TLR2: variants seen among roughly 807,000 people sequenced by gnomAD.
TLR2 encodes the protein toll like receptor 2, also known as toll-like receptor 2.
In TLR2, 7 loss-of-function variants were observed where a neutral mutation model predicts 9.1. The observed-to-expected ratio is 0.77, with a 90% CI of 0.44 to 1.44. The LOEUF is 1.44. Ranked by LOEUF, TLR2 falls within the 40% of genes most tolerant of loss-of-function variation. The pLI is 0.01. For synonymous variants in TLR2, 317 were observed against 344.6 expected, an observed-to-expected ratio of 0.92 and a Z score of 0.89; for missense variants, 812 against 904.6, an observed-to-expected ratio of 0.90 and a Z score of 1.31.
chr4:153,700,131 AC>A (rs1736783550), intron 2 of TLR2, among the ~76,000 whole-genome samples: 1 of 152,068 alleles, frequency 6.6e-6, no homozygotes, highest in African/African-American at 2.4e-5. Context: ...TTTTTAAATA[AC>A]CTGAAATCCT....
chr4:153,704,668 GACAGC>G lies in TLR2; in HGVS notation c.1764_1768del (p.Ala589GlyfsTer52), dbSNP rs2127069368. ...GCCTCTCGGTGTCGGAATGTCACAG[GACAGC>G]ACTGGTGTCTGGCATGTGCTGTGCT... On this transcript the variant is annotated frameshift_variant, in exon 3 of 3. Coordinates refer to ENST00000642700, the MANE Select transcript of TLR2 (RefSeq NM_001318789.2). LOFTEE classifies it high-confidence loss of function. The G allele has an allele frequency of 1.9e-6, 3 of 1,612,476 alleles. No individual in the cohort carries two copies. Among genetic ancestry groups the G allele is most frequent in the Non-Finnish European group, 2.5e-6 (3 of 1,179,610 alleles).
intron 2 of TLR2, among the ~76,000 whole-genome samples, chr4:153,690,777 G>A (rs1163601466): frequency 6.6e-6 from 1 of 152,198 alleles, no homozygotes; most frequent in Non-Finnish European, 1.5e-5. Flanking sequence ...GTTAAATTGT[G>A]AAAGTGTCTA....
intron 2 of TLR2, among the ~76,000 whole-genome samples, chr4:153,695,285 C>A (rs28872182): frequency 0.07 from 10,698 of 152,208 alleles, 1,186 homozygotes; most frequent in African/African-American, 0.23. Flanking sequence ...TTTACATTCC[C>A]AACCAACAAC....
chr4:153,698,807 C>G (rs1736684674), intron 2 of TLR2, among the ~76,000 whole-genome samples: 1 of 152,144 alleles, frequency 6.6e-6, no homozygotes, highest in Non-Finnish European at 1.5e-5. Context: ...GAACCAAATA[C>G]TAATATGCTT....
At chr4:153,702,150 C>T (rs955766635) in intron 2 of TLR2, 1 of 152,174 alleles carries the variant, frequency 6.6e-6, no homozygotes, top group East Asian at 1.9e-4. Context: ...AGTTGTGGTG[C>T]AGATAGTTTT....
rs763900316 is a variant in TLR2 at position 153,703,187 on chromosome 4, G to T, written c.280G>T (p.Asp94Tyr). The T allele has an allele frequency of 7.4e-6, 12 of 1,614,194 alleles. No homozygotes were observed. The highest frequency in any genetic ancestry group is 1.1e-5 in the South Asian group (1 of 91,082). The change falls in exon 3 of 3, where the codon GAT becomes TAT. Residue 94 changes from aspartate (D) to tyrosine (Y), a missense_variant. Transcript: ENST00000642700. ...CAATGGAATTAACACAATAGAGGAAGATTCTTTTTCTTCCCTGGGCAGTCT... is the reference window on the plus strand; with the variant it reads ...CAATGGAATTAACACAATAGAGGAATATTCTTTTTCTTCCCTGGGCAGTCT... The part of the protein sequence containing the change: ...TSNGINTIEE[D>Y]SFSSLGSLEH...
At chr4:153,688,647 A>G (rs1735884608) in intron 2 of TLR2, 6 of 154,544 alleles carry the variant, frequency 3.9e-5, no homozygotes, top group Admixed American at 3.2e-4. Flanking sequence ...TGCAGCAGGA[A>G]CACGTCCTTA....
chr4:153,704,710 G>A lies in TLR2; in HGVS notation c.1803G>A (p.Leu601=). The change falls in exon 3 of 3, where the codon CTG becomes CTA. Residue 601 remains leucine (L), a synonymous_variant. Transcript: ENST00000642700. ...VSGMCCALFL[L]ILLTGVLCHR... ...GCATGTGCTGTGCTCTGTTCCTGCT[G>A]ATCCTGCTCACGGGGGTCCTGTGCC... is the stretch of plus-strand genomic sequence containing the variant. The A allele has an allele frequency of 6.2e-7, 1 of 1,613,966 alleles. No homozygotes were observed. Among genetic ancestry groups the A allele is most frequent in the Non-Finnish European group, 8.5e-7 (1 of 1,179,996 alleles).
At chr4:153,690,978 C>T (rs1736070977) in intron 2 of TLR2, among the ~76,000 whole-genome samples, 1 of 152,332 alleles carries the variant, frequency 6.6e-6, no homozygotes, top group Non-Finnish European at 1.5e-5. Flanking sequence ...TGAGCATTTT[C>T]AATTAATTGT....
At chr4:153,709,898 T>C (rs1419682252), downstream of TLR2, among the ~76,000 whole-genome samples, 1 of 152,222 alleles carries the variant, frequency 6.6e-6, no homozygotes, top group Non-Finnish European at 1.5e-5. Context: ...AGCTCTGTGG[T>C]GCAGAAGCTG....
At chr4:153,690,437 A>G (rs1253067004) in intron 2 of TLR2, among the ~76,000 whole-genome samples, 1 of 152,228 alleles carries the variant, frequency 6.6e-6, no homozygotes, top group Admixed American at 6.5e-5. Flanking sequence ...AGCCTGGGGC[A>G]TTATCTGTTT....
intron 2 of TLR2, among the ~76,000 whole-genome samples, chr4:153,700,686 A>T (rs1375182949): frequency 6.6e-6 from 1 of 152,228 alleles, no homozygotes; most frequent in Non-Finnish European, 1.5e-5. Flanking sequence ...GAACTCTATT[A>T]AGTGTATATC....
chr4:153,684,543 G>C lies in TLR2; in HGVS notation c.-163+183G>C, dbSNP rs1294826912. Among the ~76,000 whole-genome samples, 10 of 152,328 alleles carry C rather than the reference G, an allele frequency of 6.6e-5. No individual in the cohort carries two copies. In the South Asian group the frequency reaches 2.1e-3, roughly 32 times the overall value. Reference sequence around the variant, plus strand: ...ATAGCGGGAAGCGCACCAGGCCCCCGGGACGCCGGTGCTTCTTTGCACGGC... The same window carrying C: ...ATAGCGGGAAGCGCACCAGGCCCCCCGGACGCCGGTGCTTCTTTGCACGGC... On this transcript the variant is annotated intron_variant, in intron 1 of 2. Transcript: ENST00000642700.
At chr4:153,684,468 C>T (rs1334267585) in intron 1 of TLR2, 108 bp downstream of exon 1, 1 of 152,394 alleles carries the variant, frequency 6.6e-6, no homozygotes, top group Non-Finnish European at 1.5e-5. Flanking sequence ...CTGGGGAACC[C>T]GGGCTCCCGT....
intron 2 of TLR2, among the ~76,000 whole-genome samples, chr4:153,695,852 G>T (rs1736453041): frequency 1.3e-5 from 2 of 151,982 alleles, no homozygotes; most frequent in African/African-American, 4.8e-5. Context: ...TTTTATTTTT[G>T]TATATGGCAA....
rs754232264 is a variant in TLR2 at position 153,702,974 on chromosome 4, T to C, written c.67T>C (p.Ser23Pro). The C allele has an allele frequency of 1.9e-6, 3 of 1,614,094 alleles. No individual in the cohort carries two copies. Among genetic ancestry groups the C allele is most frequent in the Non-Finnish European group, 2.5e-6 (3 of 1,180,014 alleles). Residue 23 changes from serine to proline, a missense_variant, in exon 3 of 3, where the codon TCC (serine) becomes CCC (proline). Transcript: ENST00000642700. ...CATCAGCCTCTCCAAGGAAGAATCC[T>C]CCAATCAGGCTTCTCTGTCTTGTGA... ...VIISLSKEES[S>P]NQASLSCDRN...
At chr4:153,701,308 T>G (rs1300779675) in intron 2 of TLR2, among the ~76,000 whole-genome samples, 2 of 152,178 alleles carry the variant, frequency 1.3e-5, no homozygotes, top group African/African-American at 4.8e-5. Flanking sequence ...TGAGATGGAA[T>G]GTAGTGCCCC....
chr4:153,687,555 AT>A (rs1482532957), intron 1 of TLR2, among the ~76,000 whole-genome samples: 1 of 151,776 alleles, frequency 6.6e-6, no homozygotes, highest in Non-Finnish European at 1.5e-5. Context: ...CTGCAACCTA[AT>A]TTAGTATACT....
intron 2 of TLR2, 127 bp from the exon 3 acceptor site, chr4:153,702,765 T>TGA: frequency 1.4e-5 from 1 of 69,030 alleles, no homozygotes; most frequent in Non-Finnish European, 3.0e-5. Flanking sequence ...TCTCTCTTTG[T>TGA]GTGTGTGTGT....
Sources: gnomAD v4.1 joint callset for allele counts (sites outside exome capture counted in the v4.1 genomes callset) on GRCh38, gnomAD v4.1.1 for gene constraint, MANE v1.5 for transcripts, NCBI Gene and HGNC (gene_info 2026-07-23, HGNC 2026-07-21) for gene names.